Variants in LUZP1 observed in about 807,000 individuals in gnomAD.
LUZP1 encodes filamin mechanobinding actin cross-linking protein.
Under a neutral mutation model 71.3 loss-of-function variants are expected in LUZP1, and 25 were observed. That is an observed-to-expected ratio of 0.35 (90% CI 0.26 to 0.49). The LOEUF is 0.49. Among genes scored for constraint, LUZP1 ranks in the 20% least tolerant of loss-of-function variants. The pLI is 0.99. For synonymous variants in LUZP1, 481 were observed against 506.4 expected (o/e 0.95, Z 0.67); for missense variants, 1,142 against 1,300.8 (o/e 0.88, Z 1.88).
At chr1:23,084,281 G>C (rs1442534405) in exon 5 of LUZP1, 1 of 152,192 alleles carries the variant, frequency 6.6e-6, no homozygotes, top group Non-Finnish European at 1.5e-5. Flanking sequence ...GAGGCTCTCA[G>C]AGCAGGGAGG....
chr1:23,095,696 T>C (rs1643888639), intron 3 of LUZP1, among the ~76,000 whole-genome samples: 1 of 152,104 alleles, frequency 6.6e-6, no homozygotes, highest in Non-Finnish European at 1.5e-5. Context: ...ACCTCCCTGA[T>C]ATAGGGAGAT....
At chr1:23,139,595 G>T (rs1644287096) in intron 2 of LUZP1, among the ~76,000 whole-genome samples, 2 of 151,998 alleles carry the variant, frequency 1.3e-5, no homozygotes, top group Non-Finnish European at 2.9e-5. Context: ...TATGATTTTT[G>T]TAACAATTTC....
chr1:23,167,714 C>G (rs959632926), intron 2 of LUZP1, among the ~76,000 whole-genome samples: 2 of 152,254 alleles, frequency 1.3e-5, no homozygotes, highest in African/African-American at 4.8e-5. Context: ...AGGTTATGCA[C>G]AGAAACCGCA....
At chr1:23,113,677 C>T (rs776847540) in intron 2 of LUZP1, among the ~76,000 whole-genome samples, 25 of 151,842 alleles carry the variant, frequency 1.6e-4, no homozygotes, top group African/African-American at 6.0e-4. Context: ...ATCAGGAGAT[C>T]GGGACCATTC....
rs138386370 is a variant in LUZP1 at position 23,123,290 on chromosome 1, G to A, written c.-225-14163C>T. On this transcript the variant is annotated intron_variant, in intron 2 of 4. Coordinates refer to ENST00000302291, the Ensembl canonical transcript of LUZP1. ...GGGGGGATCCCGAGGTCAGGAGTTC[G>A]AGATCAGCCTGACCAACACAGTGAA... Among the ~76,000 whole-genome samples the A allele has an allele frequency of 2.9e-3, 446 of 152,136 alleles. 5 individuals are homozygous for A. The highest frequency in any genetic ancestry group is 0.011 in the East Asian group (55 of 5,170).
At chr1:23,142,699 AT>A (rs1644313997) in intron 2 of LUZP1, among the ~76,000 whole-genome samples, 1 of 42,800 alleles carries the variant, frequency 2.3e-5, no homozygotes, top group Non-Finnish European at 3.9e-5. Context: ...ATATATATAT[AT>A]ACACACACAC....
At chr1:23,113,761 T>C (rs569358974) in intron 2 of LUZP1, among the ~76,000 whole-genome samples, 2 of 151,890 alleles carry the variant, frequency 1.3e-5, no homozygotes, top group Admixed American at 6.6e-5. Flanking sequence ...GCGCCTGTAG[T>C]CCCAGCTACT....
In LUZP1 at chr1:23,165,321, G is replaced by A. The variant is rs149899735; in HGVS notation, c.-226+3445C>T. On this transcript the variant is annotated intron_variant, in intron 2 of 4. Transcript: ENST00000302291. Reference sequence around the variant, plus strand: ...TTTGTCAAACTGTACACTTAAAATTGGTGAATTTTATTGTATGTAAATTAT... The same window carrying A: ...TTTGTCAAACTGTACACTTAAAATTAGTGAATTTTATTGTATGTAAATTAT... Among the ~76,000 whole-genome samples the A allele has an allele frequency of 1.1e-3, 159 of 151,232 alleles. 3 individuals are homozygous for A. The East Asian group carries it at 0.024, about 23-fold the overall frequency.
intron 2 of LUZP1, among the ~76,000 whole-genome samples, chr1:23,131,239 A>G (rs1388161824): frequency 2.0e-5 from 3 of 150,838 alleles, no homozygotes; most frequent in Admixed American, 6.6e-5. Context: ...AAAAAAAAAA[A>G]AAAAAAAAGA....
intron 2 of LUZP1, among the ~76,000 whole-genome samples, chr1:23,118,949 G>A (rs1644107901): frequency 6.6e-6 from 1 of 152,036 alleles, no homozygotes; most frequent in Non-Finnish European, 1.5e-5. Flanking sequence ...CACTTTGTCT[G>A]TATCTCTACT....
chr1:23,172,519 A>G (rs936084161), intron 1 of LUZP1, among the ~76,000 whole-genome samples: 6 of 143,398 alleles, frequency 4.2e-5, no homozygotes, highest in Middle Eastern at 3.8e-3. Context: ...TTATTTTTTT[A>G]TTTTTTTTTT....
At chr1:23,154,766 G>C (rs1236103432) in intron 2 of LUZP1, among the ~76,000 whole-genome samples, 2 of 147,382 alleles carry the variant, frequency 1.4e-5, no homozygotes, top group African/African-American at 2.6e-5. Flanking sequence ...GTGTTAGCCA[G>C]GGTGGTCTCG....
intron 2 of LUZP1, among the ~76,000 whole-genome samples, chr1:23,151,953 G>A (rs1324332446): frequency 6.8e-6 from 1 of 146,682 alleles, no homozygotes; most frequent in African/African-American, 2.5e-5. Context: ...AGTGAGCCAA[G>A]ATCACGCCAC....
At chr1:23,122,390 C>A (rs970777418) in intron 2 of LUZP1, among the ~76,000 whole-genome samples, 2 of 152,212 alleles carry the variant, frequency 1.3e-5, no homozygotes, top group African/African-American at 2.4e-5. Context: ...ATTATATGTA[C>A]AGCCAGAGTG....
exon 4 of LUZP1, chr1:23,091,841 T>C (rs1643860628): frequency 1.2e-6 from 2 of 1,614,028 alleles, no homozygotes; most frequent in Non-Finnish European, 1.7e-6. Flanking sequence ...CCGGAGCAGC[T>C]CTGGGGCTGC....
At chr1:23,099,634 C>A (rs997312805) in intron 3 of LUZP1, among the ~76,000 whole-genome samples, 4 of 152,182 alleles carry the variant, frequency 2.6e-5, no homozygotes, top group Non-Finnish European at 5.9e-5. Flanking sequence ...TTCAGAGAGT[C>A]TGGGAATTAT....
In LUZP1 at chr1:23,096,700, C is replaced by T. The variant is rs187829322; in HGVS notation, c.-119-2320G>A. 2.9e-3 allele frequency among the ~76,000 whole-genome samples: 444 copies of T among 152,196 alleles called. 4 individuals carry two copies. The highest frequency in any genetic ancestry group is 9.9e-3 in the African/African-American group (410 of 41,508). On this transcript the variant is annotated intron_variant, in intron 3 of 4. Transcript: ENST00000302291. ...TATAAGAACAGAAACTGGCCAGGTG[C>T]GGTGGCTCACGCCTGTAATCCCAAC...
At chr1:23,148,947 G>A (rs540318705) in intron 2 of LUZP1, among the ~76,000 whole-genome samples, 1 of 151,654 alleles carries the variant, frequency 6.6e-6, no homozygotes, top group South Asian at 2.1e-4. Context: ...CAGGTGTGGT[G>A]GCACATGCGT....
chr1:23,108,696 T>C (rs371492545), intron 3 of LUZP1, among the ~76,000 whole-genome samples: 45 of 152,352 alleles, frequency 3.0e-4, no homozygotes, highest in South Asian at 6.2e-4. Context: ...GCTTGTTTCC[T>C]TGTGGTGATG....
Sources: allele counts gnomAD v4.1 joint callset (sites outside exome capture counted in the v4.1 genomes callset), GRCh38; gene constraint gnomAD v4.1.1; transcripts MANE v1.5; gene names NCBI Gene and HGNC (gene_info 2026-07-23, HGNC 2026-07-21).